MSRA: variants seen among roughly 807,000 people sequenced by gnomAD.
MSRA encodes the protein methionine sulfoxide reductase A.
A neutral mutation model predicts 31.3 loss-of-function variants in MSRA; 54 were observed. The ratio of observed to expected loss-of-function variants is 1.73; its 90% CI spans 1.39 to 2.17. The LOEUF is 2.17. MSRA is among the 30% of genes most tolerant of loss of function. MSRA has a pLI of 0.00. For missense variants in MSRA, 507 were observed against 300.9 expected (o/e 1.69, Z -5.07); for synonymous variants, 169 against 116.5 (o/e 1.45, Z -2.90).
At chr8:10,079,296 C>G (rs756632029) in intron 1 of MSRA, among the ~76,000 whole-genome samples, 3 of 152,052 alleles carry the variant, frequency 2.0e-5, no homozygotes, top group Admixed American at 6.6e-5. Context: ...ATAGCTGGGA[C>G]TAACAGGCAT....
At chr8:10,217,404 G>A (rs1810087426) in intron 2 of MSRA, among the ~76,000 whole-genome samples, 1 of 152,194 alleles carries the variant, frequency 6.6e-6, no homozygotes, top group African/African-American at 2.4e-5. Context: ...TTGTCTGCTG[G>A]CTCTGGTTTA....
At chr8:10,111,132 A>G (rs996297163) in intron 1 of MSRA, among the ~76,000 whole-genome samples, 1 of 152,174 alleles carries the variant, frequency 6.6e-6, no homozygotes, top group South Asian at 2.1e-4. Context: ...CGTGTTATCC[A>G]GGGACGGGGT....
At chr8:10,279,249 T>G (rs1340753684) in intron 3 of MSRA, among the ~76,000 whole-genome samples, 2 of 152,202 alleles carry the variant, frequency 1.3e-5, no homozygotes, top group Non-Finnish European at 2.9e-5. Flanking sequence ...ATGTAGCCAC[T>G]CAGCATAACT....
intron 3 of MSRA, among the ~76,000 whole-genome samples, chr8:10,288,344 A>G (rs998397366): frequency 1.3e-5 from 2 of 152,122 alleles, no homozygotes; most frequent in African/African-American, 2.4e-5. Flanking sequence ...TTTGTCCCCC[A>G]AGAACCGATT....
rs147987572 is a variant in MSRA at position 10,353,397 on chromosome 8, T to C, written c.543+33408T>C. Among the ~76,000 whole-genome samples the C allele has an allele frequency of 5.8e-4, 89 of 152,324 alleles. 1 individual carries two copies. In the East Asian group the frequency reaches 0.016, roughly 28 times the overall value. ...AAGACCACCAGGGCCGTCCGTGGCGTGTACGGAGGAGGGACCTGGGAGGGT... is the reference window on the plus strand; with the variant it reads ...AAGACCACCAGGGCCGTCCGTGGCGCGTACGGAGGAGGGACCTGGGAGGGT... On this transcript the variant is annotated intron_variant, in intron 5 of 5. Coordinates refer to ENST00000317173, the MANE Select transcript of MSRA (RefSeq NM_012331.5).
intron 5 of MSRA, among the ~76,000 whole-genome samples, chr8:10,324,994 G>T (rs565360088): frequency 6.6e-6 from 1 of 152,216 alleles, no homozygotes; most frequent in African/African-American, 2.4e-5. Context: ...ATTGGGCAAT[G>T]CAGGTGCATA....
intron 5 of MSRA, among the ~76,000 whole-genome samples, chr8:10,356,413 C>T (rs1409695455): frequency 1.3e-5 from 2 of 152,232 alleles, no homozygotes; most frequent in Non-Finnish European, 2.9e-5. Context: ...TCTCCTCCAT[C>T]TGCCCCACCC....
chr8:10,422,871 C>A (rs961934107), intron 5 of MSRA, among the ~76,000 whole-genome samples: 1 of 152,220 alleles, frequency 6.6e-6, no homozygotes, highest in Non-Finnish European at 1.5e-5. Context: ...TTCAACCAGG[C>A]AAGTCCGTCA....
chr8:10,381,318 GTCCAT>G (rs1375297742), intron 5 of MSRA, among the ~76,000 whole-genome samples: 1 of 151,994 alleles, frequency 6.6e-6, no homozygotes, highest in Non-Finnish European at 1.5e-5. Context: ...ACATAAACCA[GTCCAT>G]TCCGTACCTC....
chr8:10,062,110 C>G (rs944407955), intron 1 of MSRA, among the ~76,000 whole-genome samples: 2 of 152,180 alleles, frequency 1.3e-5, no homozygotes, highest in African/African-American at 4.8e-5. Context: ...CCGCCAGGCC[C>G]TCAGCAAGGA....
intron 5 of MSRA, among the ~76,000 whole-genome samples, chr8:10,378,738 AC>A (rs1805889861): frequency 6.6e-6 from 1 of 152,166 alleles, no homozygotes; most frequent in East Asian, 1.9e-4. Context: ...CTTGGGCTCC[AC>A]CCCAGAACTT....
intron 2 of MSRA, among the ~76,000 whole-genome samples, chr8:10,221,525 C>A (rs1274273202): frequency 3.3e-5 from 5 of 151,998 alleles, no homozygotes; most frequent in African/African-American, 1.2e-4. Context: ...CAGGGTCAGG[C>A]TACTAGTTAA....
At chr8:10,330,813 T>A (rs1802651272) in intron 5 of MSRA, among the ~76,000 whole-genome samples, 1 of 152,206 alleles carries the variant, frequency 6.6e-6, no homozygotes, top group South Asian at 2.1e-4. Flanking sequence ...ACTGAAGTGA[T>A]ACAGCATATA....
At chr8:10,059,393 G>T (rs1252944824) in intron 1 of MSRA, among the ~76,000 whole-genome samples, 1 of 152,148 alleles carries the variant, frequency 6.6e-6, no homozygotes, top group African/African-American at 2.4e-5. Context: ...TAGATGTTAG[G>T]CAGTTTAAAC....
intron 5 of MSRA, among the ~76,000 whole-genome samples, chr8:10,321,239 T>TG (rs1802026849): frequency 6.6e-6 from 1 of 152,194 alleles, no homozygotes; most frequent in Admixed American, 6.5e-5. Flanking sequence ...TATTTTCTGA[T>TG]GTGGATTTGC....
At chr8:10,402,055 A>G (rs1807499206) in intron 5 of MSRA, among the ~76,000 whole-genome samples, 1 of 152,220 alleles carries the variant, frequency 6.6e-6, no homozygotes, top group South Asian at 2.1e-4. Context: ...ATATTATGTT[A>G]CATATATTTT....
At chr8:10,340,635 A>G (rs1262189790) in intron 5 of MSRA, among the ~76,000 whole-genome samples, 1 of 152,248 alleles carries the variant, frequency 6.6e-6, no homozygotes, top group Admixed American at 6.5e-5. Flanking sequence ...AGCCTCCCAA[A>G]GTGCTGGGAT....
chr8:10,365,437 G>A (rs1182956537), intron 5 of MSRA, among the ~76,000 whole-genome samples: 1 of 152,194 alleles, frequency 6.6e-6, no homozygotes, highest in Non-Finnish European at 1.5e-5. Flanking sequence ...GGAATAGCAA[G>A]CCACTCTATG....
At position 10,241,135 on chromosome 8, in the gene MSRA, C is replaced by T. The variant is rs539570511; in HGVS notation, c.212-3969C>T. Among the ~76,000 whole-genome samples, 14 of 152,256 alleles carry T rather than the reference C, an allele frequency of 9.2e-5. No homozygotes were observed. The East Asian group carries it at 2.7e-3, about 29-fold the overall frequency. ...ATTTCAGCCACATCATCCCCTAGTG[C>T]TCCATGGCTGCCATGGTGTGCACTG... On this transcript the variant is annotated intron_variant, in intron 2 of 5. Transcript: ENST00000317173.
Sources: gnomAD v4.1 joint callset for allele counts (sites outside exome capture counted in the v4.1 genomes callset) on GRCh38, gnomAD v4.1.1 for gene constraint, MANE v1.5 for transcripts, NCBI Gene and HGNC (gene_info 2026-07-23, HGNC 2026-07-21) for gene names.